Variants in DMD observed in about 807,000 individuals in gnomAD.
DMD encodes the protein dystrophin.
In DMD, 63 loss-of-function variants were observed where a neutral mutation model predicts 330.1. The observed-to-expected ratio is 0.19, with a 90% CI of 0.16 to 0.24. The LOEUF (loss-of-function observed/expected upper bound fraction) is 0.24. DMD is among the 10% of genes least tolerant of loss of function. DMD has a pLI of 1.00. For synonymous variants in DMD, 1,223 were observed against 959.8 expected, an observed-to-expected ratio of 1.27 and a Z score of -5.07; for missense variants, 3,344 against 2,684.1, an observed-to-expected ratio of 1.25 and a Z score of -5.43.
chrX:32,027,543 C>T (rs1346795266), intron 44 of DMD, among the ~76,000 whole-genome samples: 1 of 111,483 alleles, frequency 9.0e-6, no homozygotes, highest in Non-Finnish European at 1.9e-5. Context: ...GTTATAGCCC[C>T]ACCATAGGAA....
At chrX:32,020,021 G>A (rs1250816557) in intron 44 of DMD, among the ~76,000 whole-genome samples, 1 of 112,655 alleles carries the variant, frequency 8.9e-6, no homozygotes, top group Non-Finnish European at 1.9e-5. Flanking sequence ...GGCAAGGAAA[G>A]GGTTTGTAGT....
At chrX:32,783,133 A>ATG (rs1332522077) in intron 7 of DMD, among the ~76,000 whole-genome samples, 2 of 101,411 alleles carry the variant, frequency 2.0e-5, no homozygotes, top group African/African-American at 7.1e-5. Context: ...ATATACATAT[A>ATG]TGTATATATA....
intron 54 of DMD, among the ~76,000 whole-genome samples, chrX:31,642,385 A>G: frequency 8.9e-6 from 1 of 112,319 alleles, no homozygotes; most frequent in East Asian, 2.8e-4. Flanking sequence ...TAAATTATGG[A>G]TATCATGTTG....
chrX:32,252,814 AAG>A (rs1218455034), intron 43 of DMD, among the ~76,000 whole-genome samples: 4 of 63,131 alleles, frequency 6.3e-5, no homozygotes, highest in African/African-American at 2.8e-4. Flanking sequence ...AAATATATAT[AAG>A]TATATAAATA....
intron 1 of DMD, among the ~76,000 whole-genome samples, chrX:33,141,488 G>C (rs912661546): frequency 1.8e-5 from 2 of 111,332 alleles, no homozygotes; most frequent in African/African-American, 6.5e-5. Context: ...GGGTTGACTT[G>C]TGCACTCAAA....
chrX:31,319,842 T>C, intron 62 of DMD, among the ~76,000 whole-genome samples: 1 of 112,714 alleles, frequency 8.9e-6, no homozygotes, highest in South Asian at 3.7e-4. Flanking sequence ...GTCCCAGCTC[T>C]TGGCTCTGTT....
At chrX:31,247,184 T>C (rs1242807105) in intron 63 of DMD, among the ~76,000 whole-genome samples, 3 of 111,972 alleles carry the variant, frequency 2.7e-5, no homozygotes, top group African/African-American at 9.7e-5. Context: ...ACAACATCCA[T>C]TCTGTAGCCC....
intron 49 of DMD, among the ~76,000 whole-genome samples, chrX:31,825,698 T>G (rs1157084025): frequency 1.8e-5 from 2 of 111,864 alleles, no homozygotes; most frequent in Non-Finnish European, 3.8e-5. Flanking sequence ...TAACACTGTA[T>G]CACTAAACAG....
intron 12 of DMD, among the ~76,000 whole-genome samples, chrX:32,606,724 T>TGC (rs2056741441): frequency 1.7e-5 from 1 of 57,865 alleles, no homozygotes; most frequent in Non-Finnish European, 2.5e-5. Context: ...TATATACGCA[T>TGC]ATATATATAT....
chrX:31,893,561 A>G (rs1458492115), intron 47 of DMD, among the ~76,000 whole-genome samples: 1 of 106,880 alleles, frequency 9.4e-6, no homozygotes, highest in Non-Finnish European at 1.9e-5. Context: ...TGTTACTGTC[A>G]CACAAAAAAA....
intron 16 of DMD, among the ~76,000 whole-genome samples, chrX:32,548,608 C>T (rs919483587): frequency 1.8e-5 from 2 of 111,639 alleles, no homozygotes; most frequent in Admixed American, 9.6e-5. Context: ...TAGACATAAA[C>T]ATTGGTTGAT....
chrX:31,807,921 GCT>G (rs1157967347), intron 50 of DMD, among the ~76,000 whole-genome samples: 1 of 111,569 alleles, frequency 9.0e-6, no homozygotes, highest in Non-Finnish European at 1.9e-5. Flanking sequence ...CCACTTAGTA[GCT>G]GGGTGTTTTT....
chrX:31,964,893 T>G (rs948590894), intron 45 of DMD, among the ~76,000 whole-genome samples: 1 of 111,504 alleles, frequency 9.0e-6, no homozygotes, highest in Non-Finnish European at 1.9e-5. Context: ...ATTAGTAGAA[T>G]AATTGCCTTA....
intron 43 of DMD, among the ~76,000 whole-genome samples, chrX:32,260,541 G>T (rs1364976617): frequency 1.8e-5 from 2 of 111,573 alleles, no homozygotes; most frequent in Non-Finnish European, 3.8e-5. Flanking sequence ...GGTGGGACAA[G>T]TTCCTAATTT....
At chrX:31,351,528 C>T (rs1031127757) in intron 60 of DMD, among the ~76,000 whole-genome samples, 9 of 109,060 alleles carry the variant, frequency 8.3e-5, no homozygotes, top group Non-Finnish European at 1.5e-4. Context: ...GAGTTCGAGA[C>T]CGGTCTGGCC....
At position 32,075,632 on chromosome X, in the gene DMD, T is replaced by C. The variant is rs182838107; in HGVS notation, c.6439-107118A>G. Among the ~76,000 whole-genome samples, 803 of 111,622 alleles carry C rather than the reference T, an allele frequency of 7.2e-3. 3 individuals carry two copies. The highest frequency in any genetic ancestry group is 0.035 in the South Asian group (94 of 2,655). On this transcript the variant is annotated intron_variant, in intron 44 of 78. Transcript: ENST00000357033. ...TCTGTACCCATAATTTTCCTATCCC[T>C]TGAGGCCTGGTAAAGTTTTCATGGA...
intron 44 of DMD, among the ~76,000 whole-genome samples, chrX:32,188,844 CTG>C (rs941641005): frequency 1.8e-5 from 2 of 110,723 alleles, no homozygotes; most frequent in African/African-American, 6.5e-5. Flanking sequence ...CTGATTATAA[CTG>C]TATTAAATTC....
At chrX:32,171,809 T>A (rs957472065) in intron 44 of DMD, among the ~76,000 whole-genome samples, 1 of 111,836 alleles carries the variant, frequency 8.9e-6, no homozygotes, top group Non-Finnish European at 1.9e-5. Flanking sequence ...TTCATACATT[T>A]GATAAACATA....
At chrX:31,139,798 C>T (rs941766932) in intron 76 of DMD, among the ~76,000 whole-genome samples, 1 of 111,034 alleles carries the variant, frequency 9.0e-6, no homozygotes, top group East Asian at 2.8e-4. Context: ...TCAGAAATCA[C>T]CACCGAAGAA....
Sources: allele counts gnomAD v4.1 joint callset (sites outside exome capture counted in the v4.1 genomes callset), GRCh38; gene constraint gnomAD v4.1.1; transcripts MANE v1.5; gene names NCBI Gene and HGNC (gene_info 2026-07-23, HGNC 2026-07-21).